Variants in NIPSNAP2 observed in about 807,000 individuals in gnomAD.
The protein encoded by NIPSNAP2 is nipsnap homolog 2.
NIPSNAP2 carries 42 observed loss-of-function variants against 48.4 expected under a neutral mutation model. The observed-to-expected ratio is 0.87, with a 90% CI of 0.68 to 1.12. The LOEUF (loss-of-function observed/expected upper bound fraction) is 1.12. NIPSNAP2 is among the 50% of genes most tolerant of loss of function. NIPSNAP2 has a pLI of 0.00. For missense variants in NIPSNAP2, 314 were observed against 347.3 expected, an observed-to-expected ratio of 0.90 and a Z score of 0.76; for synonymous variants, 158 against 126.6, an observed-to-expected ratio of 1.25 and a Z score of -1.67.
At chr7:55,997,532 T>G in intron 9 of NIPSNAP2, 83 bp downstream of exon 9, 1 of 1,055,402 alleles carries the variant, frequency 9.5e-7, no homozygotes, top group Non-Finnish European at 1.5e-6. Context: ...ATAGGTGGGT[T>G]TTGTAATAGT....
At chr7:55,998,612 C>T (rs1017996666) in intron 9 of NIPSNAP2, among the ~76,000 whole-genome samples, 4 of 149,240 alleles carry the variant, frequency 2.7e-5, no homozygotes, top group South Asian at 4.3e-4. Flanking sequence ...GCGATTCTCC[C>T]GCCTCAGCCT....
chr7:55,982,333 C>A, intron 5 of NIPSNAP2, 53 bp downstream of exon 5: 1 of 1,049,334 alleles, frequency 9.5e-7, no homozygotes, highest in Non-Finnish European at 1.4e-6. Flanking sequence ...GATGTTAGTA[C>A]AGAATTAAAT....
intron 7 of NIPSNAP2, among the ~76,000 whole-genome samples, chr7:55,992,091 A>T (rs147859896): frequency 6.6e-6 from 1 of 152,108 alleles, no homozygotes; most frequent in East Asian, 1.9e-4. Context: ...CAATGTAAAG[A>T]TTAAAGATGT....
chr7:55,988,415 A>G (rs956367864), intron 7 of NIPSNAP2, among the ~76,000 whole-genome samples: 4 of 152,170 alleles, frequency 2.6e-5, no homozygotes, highest in African/African-American at 9.7e-5. Flanking sequence ...CTATAATGGG[A>G]TACCAGTTCC....
chr7:55,997,428 G>T lies in NIPSNAP2; in HGVS notation c.775G>T (p.Glu259Ter). The T allele has an allele frequency of 6.2e-7, 1 of 1,613,426 alleles. No individual in the cohort carries two copies. Among genetic ancestry groups the T allele is most frequent in the Non-Finnish European group, 8.5e-7 (1 of 1,179,398 alleles). ...RNAAWHKHGW[E>*]ELVYYTVPLI... The stretch of plus-strand genomic sequence containing the variant: ...TGCAGCATGGCACAAACATGGCTGG[G>T]AGGAATTGGTATATTACACAGGTAA... Residue 259 changes from glutamate to a stop codon, truncating the protein, a stop_gained, in exon 9 of 10, where the codon GAG becomes TAG. Coordinates refer to ENST00000322090, the MANE Select transcript of NIPSNAP2 (RefSeq NM_001483.3). LOFTEE classifies it high-confidence loss of function.
intron 1 of NIPSNAP2, among the ~76,000 whole-genome samples, chr7:55,965,716 G>A (rs1786879852): frequency 6.6e-6 from 1 of 152,068 alleles, no homozygotes; most frequent in Admixed American, 6.6e-5. Flanking sequence ...AAGTAGCTGG[G>A]ATTACAGGCA....
chr7:55,988,357 T>C, intron 7 of NIPSNAP2, among the ~76,000 whole-genome samples: 1 of 152,158 alleles, frequency 6.6e-6, no homozygotes, highest in South Asian at 2.1e-4. Flanking sequence ...CATAAGCTTA[T>C]GGAAAGGGAC....
intron 8 of NIPSNAP2, 86 bp from the exon 9 acceptor site, chr7:55,997,280 C>G: frequency 1.0e-6 from 1 of 955,966 alleles, no homozygotes; most frequent in East Asian, 2.5e-5. Flanking sequence ...ACTAGATGTC[C>G]AGGTGAAGCA....
At chr7:55,965,639 G>A (rs185723496) in intron 1 of NIPSNAP2, among the ~76,000 whole-genome samples, 299 of 150,398 alleles carry the variant, frequency 2.0e-3, no homozygotes, top group Admixed American at 4.4e-3. Flanking sequence ...GAAGTGCAAC[G>A]GCACGATCTT....
Position 55,981,455 on chromosome 7 carries a change from C to A in NIPSNAP2, c.279-18C>A, listed in dbSNP as rs943906958. ...TTTGCTGGTTGTTTAATTAGTGTTG[C>A]TGTTTCTTCTCTTTAAGTCAAGAGG... On this transcript the variant is annotated intron_variant, in intron 3 of 9. Coordinates refer to ENST00000322090, the MANE Select transcript of NIPSNAP2 (RefSeq NM_001483.3). The A allele has an allele frequency of 3.8e-6, 6 of 1,595,440 alleles. No homozygotes were observed. In the African/African-American group the frequency reaches 6.7e-5, roughly 18 times the overall value.
At chr7:55,965,674 G>A (rs941173117) in intron 1 of NIPSNAP2, among the ~76,000 whole-genome samples, 1 of 151,950 alleles carries the variant, frequency 6.6e-6, no homozygotes, top group Non-Finnish European at 1.5e-5. Flanking sequence ...TCCGCCTCCC[G>A]GGTTCAAGTA....
At chr7:55,980,091 G>A (rs117844075) in intron 3 of NIPSNAP2, 359 of 215,412 alleles carry the variant, frequency 1.7e-3, no homozygotes, top group Non-Finnish European at 2.9e-3. Flanking sequence ...GTCATGCGAC[G>A]AAAAGGAAAT....
intron 1 of NIPSNAP2, among the ~76,000 whole-genome samples, chr7:55,967,981 G>T (rs886064969): frequency 6.6e-6 from 1 of 151,730 alleles, no homozygotes; most frequent in African/African-American, 2.4e-5. Flanking sequence ...AGAGAGGGGG[G>T]TCTTGCTATG....
chr7:55,980,705 C>G (rs1787196198), intron 3 of NIPSNAP2: 2 of 152,188 alleles, frequency 1.3e-5, no homozygotes, highest in South Asian at 4.1e-4. Flanking sequence ...TAAATTCATA[C>G]ACTGCCGTGA....
At chr7:55,982,306 T>TA (rs1294024700) in intron 5 of NIPSNAP2, 26 bp downstream of exon 5, 1 of 1,312,466 alleles carries the variant, frequency 7.6e-7, no homozygotes, top group Non-Finnish European at 1.1e-6. Flanking sequence ...AATGTTTACT[T>TA]AGACTAATGA....
intron 7 of NIPSNAP2, among the ~76,000 whole-genome samples, chr7:55,987,218 C>A (rs1018263444): frequency 2.6e-5 from 4 of 152,184 alleles, no homozygotes; most frequent in African/African-American, 9.6e-5. Context: ...GGATATATAT[C>A]CAACAGAATT....
chr7:55,970,320 T>C (rs1351611096), intron 1 of NIPSNAP2, among the ~76,000 whole-genome samples: 1 of 151,798 alleles, frequency 6.6e-6, no homozygotes, highest in Non-Finnish European at 1.5e-5. Context: ...TTTTTTTTTT[T>C]TTTTTTGAAA....
chr7:55,965,007 C>G (rs1399873469), intron 1 of NIPSNAP2: 1 of 161,998 alleles, frequency 6.2e-6, no homozygotes, highest in Non-Finnish European at 1.3e-5. Flanking sequence ...AGGGCCCTGA[C>G]CGGCGCGACC....
chr7:55,978,470 A>G, intron 3 of NIPSNAP2, 75 bp downstream of exon 3: 2 of 1,244,664 alleles, frequency 1.6e-6, no homozygotes, highest in Non-Finnish European at 2.3e-6. Context: ...CTAACACTTG[A>G]TAGCATAGAG....
Sources: allele counts gnomAD v4.1 joint callset (sites outside exome capture counted in the v4.1 genomes callset), GRCh38; gene constraint gnomAD v4.1.1; transcripts MANE v1.5; gene names NCBI Gene and HGNC (gene_info 2026-07-23, HGNC 2026-07-21).